The following SHISA9 variants were observed in gnomAD, a reference collection of about 807,000 sequenced individuals.
SHISA9 encodes the protein protein shisa-9.
In SHISA9, 13 loss-of-function variants were observed where a neutral mutation model predicts 38.0. That is an observed-to-expected ratio of 0.34 (90% CI 0.22 to 0.54). The LOEUF (loss-of-function observed/expected upper bound fraction) is 0.54. Ranked by LOEUF, SHISA9 falls within the 20% of genes least tolerant of loss-of-function variation. SHISA9 has a pLI of 0.91. For missense variants in SHISA9, 538 were observed against 575.8 expected, an observed-to-expected ratio of 0.93 and a Z score of 0.67; for synonymous variants, 275 against 242.0, an observed-to-expected ratio of 1.14 and a Z score of -1.27.
the SHISA9 span, among the ~76,000 whole-genome samples, chr16:13,301,583 T>C: frequency 6.6e-6 from 1 of 152,234 alleles, no homozygotes; most frequent in East Asian, 1.9e-4. Flanking sequence ...AGCAGAAAAT[T>C]ATAACTAAGC....
chr16:13,383,005 G>A, the SHISA9 span, among the ~76,000 whole-genome samples: 28 of 152,250 alleles, frequency 1.8e-4, no homozygotes, highest in East Asian at 3.7e-3. Context: ...TGTTCGTTGC[G>A]TGTCAGGCAC....
At chr16:13,258,767 C>T in the SHISA9 span, among the ~76,000 whole-genome samples, 1 of 152,198 alleles carries the variant, frequency 6.6e-6, no homozygotes, top group Non-Finnish European at 1.5e-5. Context: ...GAGACTTATT[C>T]ACTAGAAAGA....
At chr16:13,311,575 C>G in the SHISA9 span, among the ~76,000 whole-genome samples, 1 of 152,102 alleles carries the variant, frequency 6.6e-6, no homozygotes, top group Non-Finnish European at 1.5e-5. Context: ...TTACACAGTG[C>G]TACTAGAAGA....
intron 2 of SHISA9, among the ~76,000 whole-genome samples, chr16:13,077,282 A>T (rs546214298): frequency 6.6e-6 from 1 of 151,038 alleles, no homozygotes; most frequent in Admixed American, 6.6e-5. Flanking sequence ...CTCTATGTCC[A>T]GACCAGTGTT....
chr16:12,997,700 C>A (rs1478665878), intron 2 of SHISA9, among the ~76,000 whole-genome samples: 1 of 152,126 alleles, frequency 6.6e-6, no homozygotes, highest in East Asian at 1.9e-4. Context: ...GCCATCATAC[C>A]CAGCCTTAAC....
chr16:12,934,201 C>T (rs1655359), intron 2 of SHISA9, among the ~76,000 whole-genome samples: 35,282 of 152,062 alleles, frequency 0.23, 4,258 homozygotes, highest in South Asian at 0.34. Context: ...GAAAAAGGAA[C>T]AAAGTAAGAT....
intron 3 of SHISA9, among the ~76,000 whole-genome samples, chr16:13,208,433 C>CTTTTTTTT (rs148636082): frequency 3.3e-5 from 4 of 119,878 alleles, no homozygotes; most frequent in African/African-American, 3.3e-5. Flanking sequence ...CTTTCTTTTT[C>CTTTTTTTT]TTTTTTTTTC....
chr16:12,926,002 A>G (rs1206414061), intron 2 of SHISA9, among the ~76,000 whole-genome samples: 1 of 152,194 alleles, frequency 6.6e-6, no homozygotes, highest in Admixed American at 6.5e-5. Context: ...CTGGGATTAC[A>G]GGCGTGAGCC....
chr16:13,256,090 A>G, the SHISA9 span, among the ~76,000 whole-genome samples: 2 of 152,112 alleles, frequency 1.3e-5, no homozygotes, highest in African/African-American at 4.8e-5. Context: ...TACATTCACC[A>G]TGCTGTTTCT....
At chr16:13,472,351 T>G in the SHISA9 span, among the ~76,000 whole-genome samples, 1 of 151,428 alleles carries the variant, frequency 6.6e-6, no homozygotes, top group East Asian at 1.9e-4. Flanking sequence ...CATCCCTTCA[T>G]TTAGAGCTTA....
chr16:13,257,587 G>C, the SHISA9 span, among the ~76,000 whole-genome samples: 1 of 152,088 alleles, frequency 6.6e-6, no homozygotes, highest in African/African-American at 2.4e-5. Flanking sequence ...GTAAAGTACG[G>C]GAATGTTGGC....
At chr16:13,469,365 AAAAGAAAGAAAG>A in the SHISA9 span, among the ~76,000 whole-genome samples, 1,034 of 64,298 alleles carry the variant, frequency 0.016, 23 homozygotes, top group East Asian at 0.02. Context: ...AAAGAAAAGA[AAAAGAAAGAAAG>A]AAAGAAAGAA....
the SHISA9 span, among the ~76,000 whole-genome samples, chr16:13,535,692 G>T: frequency 5.2e-4 from 78 of 151,434 alleles, no homozygotes; most frequent in Middle Eastern, 0.01. Flanking sequence ...TGCCCATGAG[G>T]CTTTCCTGGC....
chr16:13,134,785 G>A (rs1245471224), intron 2 of SHISA9, among the ~76,000 whole-genome samples: 2 of 152,074 alleles, frequency 1.3e-5, no homozygotes, highest in Admixed American at 6.6e-5. Flanking sequence ...AACAACACAA[G>A]CCTATATCTC....
chr16:13,472,377 A>ATTTTTTTTTTTTTTT, the SHISA9 span, among the ~76,000 whole-genome samples: 1 of 55,418 alleles, frequency 1.8e-5, no homozygotes, highest in Non-Finnish European at 3.2e-5. Context: ...GCTCTGCTAA[A>ATTTTTTTTTTTTTTT]TTTTTTTTTT....
chr16:13,255,203 T>C, the SHISA9 span, among the ~76,000 whole-genome samples: 3 of 152,208 alleles, frequency 2.0e-5, 1 homozygote, highest in South Asian at 6.2e-4. Flanking sequence ...ATGCTCCTTT[T>C]CCTCTCTGTT....
the SHISA9 span, among the ~76,000 whole-genome samples, chr16:13,472,366 C>T: frequency 7.0e-6 from 1 of 143,800 alleles, no homozygotes; most frequent in African/African-American, 2.6e-5. Context: ...AGCTTATTAA[C>T]GCTCTGCTAA....
At chr16:13,124,998 C>G (rs1016000442) in intron 2 of SHISA9, among the ~76,000 whole-genome samples, 1 of 152,142 alleles carries the variant, frequency 6.6e-6, no homozygotes, top group East Asian at 1.9e-4. Flanking sequence ...GATCTAAGAA[C>G]TCAGACTATG....
chr16:13,030,256 G>C (rs1333390728), intron 2 of SHISA9, among the ~76,000 whole-genome samples: 3 of 152,102 alleles, frequency 2.0e-5, no homozygotes, highest in Non-Finnish European at 2.9e-5. Context: ...CTGTCTGGGG[G>C]CTTTCTCTGA....
Sources: gnomAD v4.1 joint callset for allele counts (sites outside exome capture counted in the v4.1 genomes callset) on GRCh38, gnomAD v4.1.1 for gene constraint, MANE v1.5 for transcripts, NCBI Gene and HGNC (gene_info 2026-07-23, HGNC 2026-07-21) for gene names.